PAQR5: variants seen among roughly 807,000 people sequenced by gnomAD.
The protein encoded by PAQR5 is progestin and adipoQ receptor family member 5.
A neutral mutation model predicts 34.5 loss-of-function variants in PAQR5; 20 were observed. The ratio of observed to expected loss-of-function variants is 0.58; its 90% confidence interval spans 0.41 to 0.84. The LOEUF (loss-of-function observed/expected upper bound fraction) is 0.84, where lower values mean the gene tolerates loss of function less well. Among genes scored for constraint, PAQR5 ranks in the 40% least tolerant of loss-of-function variants. The pLI is 0.00. For synonymous variants in PAQR5, 131 were observed against 155.6 expected (o/e 0.84, Z 1.18); for missense variants, 378 against 412.7 (o/e 0.92, Z 0.73).
intron 6 of PAQR5, among the ~76,000 whole-genome samples, chr15:69,392,907 A>G (rs980382106): frequency 6.6e-6 from 1 of 152,236 alleles, no homozygotes; most frequent in Admixed American, 6.5e-5. Flanking sequence ...CTGCAAGAGT[A>G]GATGGAGGAG....
chr15:69,354,705 A>T (rs973645678), intron 2 of PAQR5, among the ~76,000 whole-genome samples: 3 of 152,208 alleles, frequency 2.0e-5, no homozygotes, highest in Non-Finnish European at 4.4e-5. Flanking sequence ...GAATACCTAG[A>T]GAACTGCTAA....
chr15:69,301,203 C>T (rs1244394440), intron 1 of PAQR5, among the ~76,000 whole-genome samples: 1 of 151,874 alleles, frequency 6.6e-6, no homozygotes, highest in Admixed American at 6.6e-5. Context: ...AGGGTTTCAC[C>T]ATGTTGGCCA....
chr15:69,355,287 C>CT (rs761896771), intron 2 of PAQR5, among the ~76,000 whole-genome samples: 1 of 143,776 alleles, frequency 7.0e-6, no homozygotes, highest in African/African-American at 2.6e-5. Flanking sequence ...CTCTTTCTTT[C>CT]TTTTCTTTCT....
chr15:69,352,755 C>G (rs1349500074), intron 2 of PAQR5, among the ~76,000 whole-genome samples: 1 of 152,102 alleles, frequency 6.6e-6, no homozygotes, highest in Non-Finnish European at 1.5e-5. Context: ...CAGAAATGGC[C>G]AGATGTATAT....
At chr15:69,349,315 C>A (rs996899676) in intron 2 of PAQR5, among the ~76,000 whole-genome samples, 3 of 152,180 alleles carry the variant, frequency 2.0e-5, no homozygotes, top group Admixed American at 1.3e-4. Context: ...TCTAGACCTG[C>A]AACCAGGCGT....
In PAQR5 at chr15:69,358,042, G is replaced by T. The variant is rs548838166; in HGVS notation, c.-115-1924G>T. On this transcript the variant is annotated intron_variant, in intron 2 of 8. Transcript: ENST00000395407. ...CTCTGGGTCTTCAGAGGCAGGGAAA[G>T]AACACCTCTGACTGATGAGGACTAT... Among the ~76,000 whole-genome samples, 6 of 152,266 alleles carry T rather than the reference G, an allele frequency of 3.9e-5. No homozygotes were observed. In the East Asian group the frequency reaches 9.7e-4, roughly 25 times the overall value.
intron 1 of PAQR5, among the ~76,000 whole-genome samples, chr15:69,329,963 G>T (rs1016231255): frequency 2.0e-5 from 3 of 152,026 alleles, no homozygotes; most frequent in Admixed American, 6.6e-5. Flanking sequence ...TTTCATTTTA[G>T]CTCCCCCATA....
At chr15:69,330,901 C>A (rs2054364258) in intron 1 of PAQR5, among the ~76,000 whole-genome samples, 2 of 152,152 alleles carry the variant, frequency 1.3e-5, no homozygotes, top group Non-Finnish European at 2.9e-5. Context: ...CCAGGATTGC[C>A]CTTGTGGCTA....
At position 69,385,936 on chromosome 15, in the gene PAQR5, T is replaced by C. The variant is rs1369968813; in HGVS notation, c.385+1054T>C. 2.7e-5 allele frequency among the ~76,000 whole-genome samples: 4 copies of C among 146,760 alleles called. No homozygotes were observed. The highest frequency in any genetic ancestry group is 6.0e-5 in the Non-Finnish European group (4 of 66,532). The stretch of plus-strand genomic sequence containing the variant: ...CTCACATACACACACTCACACCACA[T>C]ACACACAATACACTCACATGCACAC... On this transcript the variant is annotated intron_variant, in intron 5 of 8. Coordinates refer to ENST00000395407, the MANE Select transcript of PAQR5 (RefSeq NM_017705.4). This position sits in a 1 kb window ranked among gnomAD's most constrained non-coding sequence, Gnocchi z 4.7.
chr15:69,388,252 T>A (rs554733289), intron 5 of PAQR5, among the ~76,000 whole-genome samples: 1 of 152,316 alleles, frequency 6.6e-6, no homozygotes, highest in Admixed American at 6.5e-5. Flanking sequence ...TAGGTTTTGG[T>A]CATCAGAATC....
intron 2 of PAQR5, among the ~76,000 whole-genome samples, chr15:69,353,821 G>A (rs1008798162): frequency 4.6e-5 from 7 of 152,170 alleles, no homozygotes; most frequent in African/African-American, 1.7e-4. Context: ...TTCCAGAGGG[G>A]AGAATGCTTC....
chr15:69,309,322 C>A (rs917711489), intron 1 of PAQR5, among the ~76,000 whole-genome samples: 2 of 152,106 alleles, frequency 1.3e-5, no homozygotes, highest in Admixed American at 6.5e-5. Flanking sequence ...GTGCTCCAGG[C>A]GCAGGGCATG....
intron 1 of PAQR5, among the ~76,000 whole-genome samples, chr15:69,304,182 T>A (rs1447025009): frequency 6.6e-6 from 1 of 152,100 alleles, no homozygotes; most frequent in Non-Finnish European, 1.5e-5. Context: ...CCCAACCACC[T>A]TCGATGGGCT....
intron 3 of PAQR5, among the ~76,000 whole-genome samples, chr15:69,363,633 G>A (rs1161198460): frequency 2.3e-5 from 3 of 130,850 alleles, no homozygotes; most frequent in African/African-American, 2.8e-5. Flanking sequence ...TGCAACCTCC[G>A]CCTCCCAGGT....
intron 3 of PAQR5, among the ~76,000 whole-genome samples, chr15:69,361,452 G>A (rs748078009): frequency 1.3e-4 from 20 of 152,172 alleles, no homozygotes; most frequent in Non-Finnish European, 2.8e-4. Context: ...CTTCCATCAC[G>A]AGGGAGTGTA....
intron 4 of PAQR5, among the ~76,000 whole-genome samples, chr15:69,383,999 T>C (rs2056017471): frequency 9.6e-6 from 1 of 104,532 alleles, no homozygotes; most frequent in Non-Finnish European, 2.0e-5. Flanking sequence ...GAGCGGGCCC[T>C]CTGTATTCAT....
chr15:69,403,361 AC>A (rs1191126011), intron 8 of PAQR5, among the ~76,000 whole-genome samples: 2 of 152,080 alleles, frequency 1.3e-5, no homozygotes, highest in African/African-American at 4.8e-5. Flanking sequence ...CCTCCATCAG[AC>A]CCATGCACTG....
At chr15:69,313,705 G>A (rs148006518) in intron 1 of PAQR5, among the ~76,000 whole-genome samples, 4 of 152,286 alleles carry the variant, frequency 2.6e-5, no homozygotes, top group South Asian at 4.1e-4. Context: ...AGGTGTTCCC[G>A]AGAGGAGGTT....
At position 69,395,912 on chromosome 15, in the gene PAQR5, G is replaced by A. The variant is rs569449692; in HGVS notation, c.513-1556G>A. 1.2e-3 allele frequency among the ~76,000 whole-genome samples: 176 copies of A among 152,186 alleles called. 1 individual carries two copies. Among genetic ancestry groups the A allele is most frequent in the African/African-American group, 4.2e-3 (174 of 41,526 alleles). On this transcript the variant is annotated intron_variant, in intron 6 of 8. Transcript: ENST00000395407. ...GTGGGCTGGAGTGAAGTTGGGGTTT[G>A]TCTTGGGAGGCTGTGGGGCTTCTCC...
Sources: gnomAD v4.1 joint callset for allele counts (sites outside exome capture counted in the v4.1 genomes callset) on GRCh38, gnomAD v4.1.1 for gene constraint, Gnocchi (gnomAD v3.1) non-coding constraint, MANE v1.5 for transcripts, NCBI Gene and HGNC (gene_info 2026-07-23, HGNC 2026-07-21) for gene names.